Variants in YWHAQ observed in about 807,000 individuals in gnomAD.
YWHAQ encodes 14-3-3 protein theta.
YWHAQ carries 6 observed loss-of-function variants against 28.3 expected under a neutral mutation model. The observed-to-expected ratio is 0.21, with a 90% CI of 0.12 to 0.42. YWHAQ has a LOEUF of 0.42. YWHAQ is among the 10% of genes least tolerant of loss of function. The pLI, the probability that YWHAQ is intolerant of heterozygous loss-of-function variation, is 1.00. For synonymous variants in YWHAQ, 143 were observed against 119.1 expected (o/e 1.20, Z -1.31); for missense variants, 201 against 305.6 (o/e 0.66, Z 2.55).
At chr2:9,602,884 T>C (rs1463989441) in intron 2 of YWHAQ, among the ~76,000 whole-genome samples, 2 of 89,868 alleles carry the variant, frequency 2.2e-5, no homozygotes, top group African/African-American at 8.7e-5. Flanking sequence ...TATATATATA[T>C]ATATATATAT....
intron 2 of YWHAQ, among the ~76,000 whole-genome samples, chr2:9,602,041 G>A (rs1666704298): frequency 6.6e-6 from 1 of 152,130 alleles, no homozygotes; most frequent in South Asian, 2.1e-4. Flanking sequence ...CCTCAGTAAT[G>A]CCAAAAAATA....
chr2:9,610,658 G>A (rs905567940), intron 2 of YWHAQ, among the ~76,000 whole-genome samples: 3 of 152,010 alleles, frequency 2.0e-5, no homozygotes, highest in East Asian at 1.9e-4. Flanking sequence ...ACAGGCATGC[G>A]CCACCATGCC....
In YWHAQ at chr2:9,630,501, G is replaced by T. The variant is rs764174434; in HGVS notation, c.-49C>A. 2.3e-5 allele frequency: 35 copies of T among 1,493,482 alleles called. No homozygotes were observed. The highest frequency in any genetic ancestry group is 5.5e-5 in the African/African-American group (4 of 72,490). 92.5% of individuals were successfully genotyped at this position (1,493,482 alleles called of 1,614,324 possible). ...GGCGGAGGGCGAGGAGAGCGAGGGC[G>T]AGCGCCGACCCGCAGCGGGAGGAGC... On this transcript the variant is annotated 5_prime_UTR_variant, in exon 2 of 6. Transcript: ENST00000238081. The surrounding 1 kb of genome is among the most constrained non-coding windows in gnomAD (Gnocchi z 5.6).
At chr2:9,593,621 G>A (rs1666503742) in intron 2 of YWHAQ, among the ~76,000 whole-genome samples, 1 of 151,952 alleles carries the variant, frequency 6.6e-6, no homozygotes, top group South Asian at 2.1e-4. Flanking sequence ...GAGAGCCCAG[G>A]AGTTTGAGAC....
intron 2 of YWHAQ, among the ~76,000 whole-genome samples, chr2:9,610,438 T>A (rs958238479): frequency 6.6e-5 from 10 of 152,210 alleles, no homozygotes; most frequent in African/African-American, 1.7e-4. Flanking sequence ...ATGACACAAA[T>A]CTTTCTCTTA....
At chr2:9,610,325 T>C (rs774480589) in intron 2 of YWHAQ, among the ~76,000 whole-genome samples, 64 of 152,218 alleles carry the variant, frequency 4.2e-4, no homozygotes, top group Non-Finnish European at 4.9e-4. Context: ...TCTTCATCTG[T>C]AAAACAGTTA....
Position 9,600,332 on chromosome 2 carries a change from G to T in YWHAQ, c.295-8817C>A, listed in dbSNP as rs553191985. ...AACTTAGTTGATAGAGCAGTGGCAG[G>T]GTTTGAGAGGATTGCCTCTGATTTT... On this transcript the variant is annotated intron_variant, in intron 2 of 5. Coordinates refer to ENST00000238081, the MANE Select transcript of YWHAQ (RefSeq NM_006826.4). Among the ~76,000 whole-genome samples the T allele has an allele frequency of 8.5e-5, 13 of 152,302 alleles. No homozygotes were observed. The South Asian group carries it at 2.7e-3, about 32-fold the overall frequency.
At chr2:9,599,993 G>A (rs1666655623) in intron 2 of YWHAQ, among the ~76,000 whole-genome samples, 1 of 152,138 alleles carries the variant, frequency 6.6e-6, no homozygotes, top group South Asian at 2.1e-4. Context: ...ATGGGAAGAA[G>A]TCAAAATATT....
At chr2:9,605,896 A>G (rs1471117809) in intron 2 of YWHAQ, among the ~76,000 whole-genome samples, 2 of 152,086 alleles carry the variant, frequency 1.3e-5, no homozygotes, top group Admixed American at 1.3e-4. Context: ...AAAACATTTA[A>G]AATCTATGTA....
chr2:9,606,395 G>C (rs368466745), intron 2 of YWHAQ, among the ~76,000 whole-genome samples: 1 of 146,114 alleles, frequency 6.8e-6, no homozygotes, highest in African/African-American at 2.6e-5. Flanking sequence ...GTGAAACCCC[G>C]TCTCTACTAA....
intron 2 of YWHAQ, among the ~76,000 whole-genome samples, chr2:9,601,932 G>C (rs1666701829): frequency 6.6e-6 from 1 of 152,118 alleles, no homozygotes; most frequent in African/African-American, 2.4e-5. Context: ...ACAGGCATGA[G>C]CCACCATGCC....
chr2:9,586,865 T>C (rs1481663304), intron 5 of YWHAQ, among the ~76,000 whole-genome samples: 1 of 152,240 alleles, frequency 6.6e-6, no homozygotes, highest in Non-Finnish European at 1.5e-5. Context: ...GCTTAAGCTG[T>C]ACTTTTTCTT....
At chr2:9,629,313 G>T (rs991419344) in intron 2 of YWHAQ, among the ~76,000 whole-genome samples, 2 of 152,162 alleles carry the variant, frequency 1.3e-5, no homozygotes, top group African/African-American at 4.8e-5. Context: ...TATAATGCTG[G>T]TATTTCAGTT....
rs547582835 is a variant in YWHAQ, at chr2:9,597,985, A to ATTTTTTTTTTTT, written c.295-6482_295-6471dup. ...CAGGCATGCACCACCATGCCGGGCT[A>ATTTTTTTTTTTT]TTTTTTTTTTTTTTTTTTTTTTTTT... On this transcript the variant is annotated intron_variant, in intron 2 of 5. Coordinates refer to ENST00000238081, the MANE Select transcript of YWHAQ (RefSeq NM_006826.4). Among the ~76,000 whole-genome samples the ATTTTTTTTTTTT allele has an allele frequency of 1.2e-3, 72 of 62,480 alleles. 14 individuals are homozygous for ATTTTTTTTTTTT. The highest frequency in any genetic ancestry group is 4.1e-3 in the African/African-American group (69 of 16,676). 41.0% of individuals were successfully genotyped at this position (62,480 alleles called of 152,430 possible).
Position 9,585,061 on chromosome 2 carries a change from G to A in YWHAQ, c.*225C>T. 1 of 532,162 alleles carries A rather than the reference G, an allele frequency of 1.9e-6. No individual in the cohort carries two copies. Among genetic ancestry groups the A allele is most frequent in the South Asian group, 2.5e-5 (1 of 39,536 alleles). The allele number at this position is 532,162 out of a possible 1,614,324, so 33.0% of individuals were successfully genotyped here. A position where few individuals can be genotyped will look rare whatever the true frequency, so the allele number is the denominator to read the frequency against. Reference sequence around the variant, plus strand: ...GGAGTTACTTATGTTTATATGAAATGAAGCTATTAATACTTTTCTACAGCA... The same window carrying A: ...GGAGTTACTTATGTTTATATGAAATAAAGCTATTAATACTTTTCTACAGCA... On this transcript the variant is annotated 3_prime_UTR_variant, in exon 6 of 6. Transcript: ENST00000238081.
intron 3 of YWHAQ, among the ~76,000 whole-genome samples, chr2:9,590,391 T>A (rs1276539754): frequency 1.3e-5 from 2 of 152,232 alleles, no homozygotes; most frequent in East Asian, 1.9e-4. Context: ...TCTCTTTATA[T>A]ATTCAGTTAC....
intron 2 of YWHAQ, among the ~76,000 whole-genome samples, chr2:9,594,070 A>T (rs1409082357): frequency 6.6e-6 from 1 of 151,958 alleles, no homozygotes; most frequent in Non-Finnish European, 1.5e-5. Context: ...AGAAGTCATG[A>T]GTATCAAAAT....
At chr2:9,615,821 C>A (rs571839761) in intron 2 of YWHAQ, among the ~76,000 whole-genome samples, 1 of 151,996 alleles carries the variant, frequency 6.6e-6, no homozygotes, top group African/African-American at 2.4e-5. Flanking sequence ...TCAAAGAACA[C>A]GATTCTAGAA....
At chr2:9,594,187 A>G (rs1666522114) in intron 2 of YWHAQ, among the ~76,000 whole-genome samples, 1 of 152,104 alleles carries the variant, frequency 6.6e-6, no homozygotes, top group Non-Finnish European at 1.5e-5. Context: ...CAGTATCACT[A>G]CACTCTTAAC....
Sources: gnomAD v4.1 joint callset for allele counts (sites outside exome capture counted in the v4.1 genomes callset) on GRCh38, gnomAD v4.1.1 for gene constraint, Gnocchi (gnomAD v3.1) non-coding constraint, MANE v1.5 for transcripts, NCBI Gene and HGNC (gene_info 2026-07-23, HGNC 2026-07-21) for gene names.